Variants in NIPAL3 observed in about 807,000 individuals in gnomAD.
The protein encoded by NIPAL3 is NIPA-like protein 3.
NIPAL3 carries 41 observed loss-of-function variants against 47.2 expected under a neutral mutation model. The observed-to-expected ratio is 0.87, with a 90% CI of 0.68 to 1.13. NIPAL3 has a LOEUF of 1.13. Ranked by LOEUF, NIPAL3 falls within the 50% of genes most tolerant of loss-of-function variation. The probability of loss-of-function intolerance (pLI) is 0.00; values close to 1 mark genes in which losing one functional copy is unlikely to be tolerated. For missense variants in NIPAL3, 449 were observed against 530.1 expected, an observed-to-expected ratio of 0.85 and a Z score of 1.50; for synonymous variants, 194 against 209.6, an observed-to-expected ratio of 0.93 and a Z score of 0.64.
chr1:24,465,996 C>G (rs1165753117), intron 11 of NIPAL3: 1 of 1,608,644 alleles, frequency 6.2e-7, no homozygotes, highest in Non-Finnish European at 8.5e-7. Context: ...TGCCTTTTGT[C>G]TACCTAGATT....
intron 2 of NIPAL3, among the ~76,000 whole-genome samples, chr1:24,436,653 T>A (rs1553135466): frequency 1.3e-5 from 2 of 151,706 alleles, no homozygotes; most frequent in Non-Finnish European, 2.9e-5. Flanking sequence ...CACGCCCAGA[T>A]AATTTTTGGG....
At chr1:24,467,378 G>A (rs1017606790) in intron 11 of NIPAL3, among the ~76,000 whole-genome samples, 4 of 152,164 alleles carry the variant, frequency 2.6e-5, no homozygotes, top group Non-Finnish European at 5.9e-5. Context: ...GCTCAGGCAG[G>A]AGAATGGTGT....
Position 24,449,522 on chromosome 1 carries a change from G to C in NIPAL3, c.436G>C (p.Val146Leu). The C allele has an allele frequency of 6.2e-7, 1 of 1,613,990 alleles. No homozygotes were observed. The highest frequency in any genetic ancestry group is 8.5e-7 in the Non-Finnish European group (1 of 1,180,028). The stretch of plus-strand genomic sequence containing the variant: ...CTTTGTTGGCTGCGGTTTGGCTGTC[G>C]TGGGTACCTACCTGCTGGTGACATT... The part of the protein sequence containing the change: ...LSFVGCGLAV[V>L]GTYLLVTFAP... Residue 146 changes from valine (V) to leucine (L), a missense_variant, in exon 6 of 12, where the codon GTG (valine) becomes CTG (leucine). Transcript: ENST00000374399. The surrounding 1 kb of genome is among the most constrained non-coding windows in gnomAD (Gnocchi z 4.5).
chr1:24,424,947 A>G (rs1460280497), intron 2 of NIPAL3, among the ~76,000 whole-genome samples: 1 of 152,140 alleles, frequency 6.6e-6, no homozygotes, highest in Non-Finnish European at 1.5e-5. Context: ...GATGGGTGGG[A>G]TGAAGTTAGG....
intron 2 of NIPAL3, among the ~76,000 whole-genome samples, chr1:24,423,275 C>T (rs1007698637): frequency 3.3e-5 from 5 of 152,120 alleles, no homozygotes; most frequent in African/African-American, 1.2e-4. Context: ...TTGAGTTTTC[C>T]CTGGGCCTTA....
chr1:24,462,128 C>T (rs190052574), intron 10 of NIPAL3, among the ~76,000 whole-genome samples: 13 of 152,222 alleles, frequency 8.5e-5, no homozygotes, highest in Non-Finnish European at 1.5e-4. Flanking sequence ...AGAGAAGTGC[C>T]AAGCAAAGGG....
chr1:24,469,086 C>G lies in NIPAL3; in HGVS notation c.1122C>G (p.Ile374Met), dbSNP rs375673285. 254 of 1,614,148 alleles carry G rather than the reference C, an allele frequency of 1.6e-4. 1 individual carries two copies. The South Asian group carries it at 2.5e-3, about 16-fold the overall frequency. Residue 374 changes from isoleucine (I) to methionine (M), a missense_variant, in exon 12 of 12, where the codon ATC (isoleucine) becomes ATG (methionine). By Grantham distance (10) the Ile-to-Met change is conservative. Transcript: ENST00000374399. Reference protein sequence around the residue: ...ALENNDNISEIYAPATLPVMQ... With the variant: ...ALENNDNISEMYAPATLPVMQ... Reference sequence around the variant, plus strand: ...AAAACAATGACAACATTTCTGAGATCTACGCTCCTGCCACCCTGCCAGTCA... The same window carrying G: ...AAAACAATGACAACATTTCTGAGATGTACGCTCCTGCCACCCTGCCAGTCA...
chr1:24,418,951 T>C (rs2148738051), intron 1 of NIPAL3, among the ~76,000 whole-genome samples: 1 of 151,384 alleles, frequency 6.6e-6, no homozygotes, highest in Middle Eastern at 3.4e-3. Flanking sequence ...CCTGGAGAAG[T>C]TAGTATTCTA....
chr1:24,427,096 G>A lies in NIPAL3; in HGVS notation c.93+7456G>A, dbSNP rs1644625470. Among the ~76,000 whole-genome samples, 5 of 152,328 alleles carry A rather than the reference G, an allele frequency of 3.3e-5. No individual in the cohort carries two copies. In the South Asian group the frequency reaches 1.0e-3, roughly 32 times the overall value. On this transcript the variant is annotated intron_variant, in intron 2 of 11. Transcript: ENST00000374399. Reference sequence around the variant, plus strand: ...CTCAGGAAAAAGAGGAGCAGAATAGGTAGAGAAGGCTGCCAGCGGGGTCCA... The same window carrying A: ...CTCAGGAAAAAGAGGAGCAGAATAGATAGAGAAGGCTGCCAGCGGGGTCCA...
chr1:24,430,280 T>A (rs985066137), intron 2 of NIPAL3, among the ~76,000 whole-genome samples: 6 of 135,476 alleles, frequency 4.4e-5, no homozygotes, highest in African/African-American at 1.9e-4. Flanking sequence ...CTCACTCTTG[T>A]TGCCCAGGCT....
In NIPAL3 at chr1:24,469,639, C is replaced by G. The variant is rs12096213; in HGVS notation, c.*454C>G. Reference sequence around the variant, plus strand: ...CATGCCTGATCTCACCCTGACACTCCTGATGCCGCATCTGTGATAGCACTC... The same window carrying G: ...CATGCCTGATCTCACCCTGACACTCGTGATGCCGCATCTGTGATAGCACTC... On this transcript the variant is annotated 3_prime_UTR_variant, in exon 12 of 12. Transcript: ENST00000374399. 5,768 of 158,298 alleles carry G rather than the reference C, an allele frequency of 0.036. 365 individuals are homozygous for G. The highest frequency in any genetic ancestry group is 0.13 in the African/African-American group (5,419 of 41,632). 9.8% of individuals were successfully genotyped at this position (158,298 alleles called of 1,614,324 possible).
At chr1:24,417,032 C>T (rs1173182916) in intron 1 of NIPAL3, 1 of 152,254 alleles carries the variant, frequency 6.6e-6, no homozygotes, top group Non-Finnish European at 1.5e-5. Context: ...CTCTGACCTC[C>T]TGTGGGTGGG....
rs1029697687 is a variant in NIPAL3, at chr1:24,416,482, G to C, written c.-258+578G>C. The C allele has an allele frequency of 3.1e-5, 8 of 257,002 alleles. No individual in the cohort carries two copies. The allele number at this position is 257,002 out of a possible 1,614,324, so 15.9% of individuals were successfully genotyped here. On this transcript the variant is annotated intron_variant, in intron 1 of 11. Transcript: ENST00000374399. This position sits in a 1 kb window ranked among gnomAD's most constrained non-coding sequence, Gnocchi z 4.8. ...AGGCAAATTCGAATACAGACGCTAT[G>C]AGCCACGGCTGTCTCATTTGTAAAA...
Position 24,415,836 on chromosome 1 carries a change from G to A in NIPAL3, c.-326G>A. ...AGGGATGAAGGAGGCTGTGCCTCCG[G>A]GTTGCACGAAGAGTCCGAGTCATTT... is the stretch of plus-strand genomic sequence containing the variant. On this transcript the variant is annotated 5_prime_UTR_variant, in exon 1 of 12. Coordinates refer to ENST00000374399, the MANE Select transcript of NIPAL3 (RefSeq NM_020448.5). 1 of 985,490 alleles carries A rather than the reference G, an allele frequency of 1.0e-6. No individual in the cohort carries two copies. Among genetic ancestry groups the A allele is most frequent in the Non-Finnish European group, 1.2e-6 (1 of 829,964 alleles). 61.0% of individuals were successfully genotyped at this position (985,490 alleles called of 1,614,324 possible).
At chr1:24,428,258 A>AAAAGAGAG (rs1553133167) in intron 2 of NIPAL3, among the ~76,000 whole-genome samples, 12 of 119,556 alleles carry the variant, frequency 1.0e-4, no homozygotes, top group Non-Finnish European at 1.6e-4. Flanking sequence ...CTCAAAAAGA[A>AAAAGAGAG]AGAGAGAGAG....
intron 10 of NIPAL3, 88 bp downstream of exon 10, chr1:24,460,632 G>A (rs1016652899): frequency 2.4e-5 from 26 of 1,099,102 alleles, no homozygotes; most frequent in Admixed American, 6.7e-5. Context: ...TGCTACAGCC[G>A]CCCCATCCTT....
intron 9 of NIPAL3, among the ~76,000 whole-genome samples, chr1:24,459,604 C>T (rs1646377906): frequency 6.6e-6 from 1 of 152,356 alleles, no homozygotes; most frequent in South Asian, 2.1e-4. Context: ...TTGGTGAAAG[C>T]CTGGCTGTAA....
In NIPAL3 at chr1:24,471,522, A is replaced by T. The variant is rs1033535704; in HGVS notation, c.*2337A>T. The T allele has an allele frequency of 2.0e-5, 3 of 149,096 alleles. No homozygotes were observed. Among genetic ancestry groups the T allele is most frequent in the Non-Finnish European group, 4.4e-5 (3 of 67,858 alleles). The allele number at this position is 149,096 out of a possible 1,614,324, so 9.2% of individuals were successfully genotyped here. A position where few individuals can be genotyped will look rare whatever the true frequency, so the allele number is the denominator to read the frequency against. On this transcript the variant is annotated 3_prime_UTR_variant, in exon 12 of 12. Coordinates refer to ENST00000374399, the MANE Select transcript of NIPAL3 (RefSeq NM_020448.5). Reference sequence around the variant, plus strand: ...CTAGAGCCCAGAGAGCCAAGGCTACAGTGAGCCATGATCATGCTACTGCAC... The same window carrying T: ...CTAGAGCCCAGAGAGCCAAGGCTACTGTGAGCCATGATCATGCTACTGCAC...
chr1:24,460,510 G>A lies in NIPAL3; in HGVS notation c.892G>A (p.Glu298Lys), dbSNP rs768009893. The change falls in exon 10 of 12, where the codon GAG (glutamate) becomes AAG (lysine). Residue 298 changes from glutamate (E) to lysine (K), a missense_variant. Glu to Lys is a moderately conservative substitution (Grantham distance 56). Transcript: ENST00000374399. Reference protein sequence around the residue: ...GAIFYLDFIGEDVLHICMFAL... With the variant: ...GAIFYLDFIGKDVLHICMFAL... ...AATATTTTACCTGGACTTCATCGGG[G>A]AGGACGTGCTGCACATCTGCATGTT... 3.8e-6 allele frequency: 6 copies of A among 1,586,382 alleles called. No individual in the cohort carries two copies. The highest frequency in any genetic ancestry group is 5.1e-6 in the Non-Finnish European group (6 of 1,169,344).
Sources: gnomAD v4.1 joint callset for allele counts (sites outside exome capture counted in the v4.1 genomes callset) on GRCh38, gnomAD v4.1.1 for gene constraint, Gnocchi (gnomAD v3.1) non-coding constraint, MANE v1.5 for transcripts, NCBI Gene and HGNC (gene_info 2026-07-23, HGNC 2026-07-21) for gene names.